The following ATXN2 variants were observed in gnomAD, a reference collection of about 807,000 sequenced individuals.
ATXN2 encodes ataxin-2.
In ATXN2, 37 loss-of-function variants were observed where a neutral mutation model predicts 138.6. The observed-to-expected ratio is 0.27, with a 90% confidence interval of 0.21 to 0.35. The LOEUF (loss-of-function observed/expected upper bound fraction) is 0.35. Among genes scored for constraint, ATXN2 ranks in the 10% least tolerant of loss-of-function variants. The pLI, the probability that ATXN2 is intolerant of heterozygous loss-of-function variation, is 1.00. For synonymous variants in ATXN2, 549 were observed against 543.7 expected (o/e 1.01, Z -0.13); for missense variants, 1,216 against 1,480.3 (o/e 0.82, Z 2.93).
At chr12:111,548,848 A>G (rs572348353) in intron 5 of ATXN2, among the ~76,000 whole-genome samples, 75 of 152,288 alleles carry the variant, frequency 4.9e-4, no homozygotes, top group African/African-American at 1.7e-3. Flanking sequence ...CCTCTCCCCA[A>G]GTAGCTGGGA....
At chr12:111,518,570 C>T in intron 8 of ATXN2, 143 bp from the exon 9 acceptor site, 2 of 791,536 alleles carry the variant, frequency 2.5e-6, no homozygotes, top group South Asian at 2.3e-5. Context: ...CCCAGATGCC[C>T]CTGTTCTTCC....
rs574140178 is a variant in ATXN2 at position 111,508,495 on chromosome 12, G to A, written c.1935+1054C>T. 9.7e-4 allele frequency among the ~76,000 whole-genome samples: 131 copies of A among 134,722 alleles called. 2 individuals carry two copies. The South Asian group carries it at 0.018, about 19-fold the overall frequency. 88.4% of individuals were successfully genotyped at this position (134,722 alleles called of 152,430 possible). A position where few individuals can be genotyped will look rare whatever the true frequency, so the allele number is the denominator to read the frequency against. The stretch of plus-strand genomic sequence containing the variant: ...GCAGTCTTGCTCTGTCGCCCAGGAT[G>A]GAGTGGAGTGGTGTGATCTCGGCTC... On this transcript the variant is annotated intron_variant, in intron 14 of 24. Transcript: ENST00000673436.
At position 111,516,945 on chromosome 12, in the gene ATXN2, T is replaced by C. The variant is rs988303655; in HGVS notation, c.1166-582A>G. ...AAGTAGAAATAAAACATTACTCTTC[T>C]AGAGTTTGTGACTCCTGTGAGTATC... On this transcript the variant is annotated intron_variant, in intron 9 of 24. Coordinates refer to ENST00000673436, the MANE Select transcript of ATXN2 (RefSeq NM_001372574.1). This position sits in a 1 kb window ranked among gnomAD's most constrained non-coding sequence, Gnocchi z 5.0. 7.2e-5 allele frequency among the ~76,000 whole-genome samples: 11 copies of C among 152,192 alleles called. No individual in the cohort carries two copies. Among genetic ancestry groups the C allele is most frequent in the African/African-American group, 2.7e-4 (11 of 41,458 alleles).
chr12:111,599,481 C>T, upstream of ATXN2: 1 of 1,214,960 alleles, frequency 8.2e-7, no homozygotes, highest in African/African-American at 1.6e-5. Context: ...GTGGCCACCG[C>T]GGGACTCCGA....
Position 111,516,221 on chromosome 12 carries a change from C to T in ATXN2, c.1308G>A (p.Pro436=), listed in dbSNP as rs1326410629. 1 of 1,574,560 alleles carries T rather than the reference C, an allele frequency of 6.4e-7. No individual in the cohort carries two copies. The change falls in exon 10 of 25, where the codon CCG becomes CCA. Residue 436 remains proline, a synonymous_variant. Coordinates refer to ENST00000673436, the MANE Select transcript of ATXN2 (RefSeq NM_001372574.1). The surrounding 1 kb of genome is among the most constrained non-coding windows in gnomAD (Gnocchi z 5.0). The part of the protein sequence containing the change: ...SRPPSRPSRP[P]SHPSAHGSPA... ...GAGAACCATGAGCAGAGGGGTGAGA[C>T]GGGGGTCTGGATGGCCGCGAGGGGG...
intron 5 of ATXN2, among the ~76,000 whole-genome samples, chr12:111,545,420 AC>A (rs1301318463): frequency 6.6e-6 from 1 of 150,792 alleles, no homozygotes; most frequent in Non-Finnish European, 1.5e-5. Flanking sequence ...ACATGGTGAA[AC>A]CCCATCTCTA....
At chr12:111,588,624 A>G (rs1404084601) in intron 1 of ATXN2, among the ~76,000 whole-genome samples, 1 of 151,660 alleles carries the variant, frequency 6.6e-6, no homozygotes, top group Non-Finnish European at 1.5e-5. Flanking sequence ...TCCGTCTCGG[A>G]AAAAAAAGAA....
intron 5 of ATXN2, among the ~76,000 whole-genome samples, chr12:111,551,358 G>A (rs569255577): frequency 5.8e-4 from 88 of 151,284 alleles, no homozygotes; most frequent in Non-Finnish European, 9.4e-4. Flanking sequence ...GCCTTGCAAC[G>A]TGTTACTGAA....
chr12:111,545,163 AAAAAC>A (rs1220046970), intron 5 of ATXN2, among the ~76,000 whole-genome samples: 1 of 152,184 alleles, frequency 6.6e-6, no homozygotes, highest in Non-Finnish European at 1.5e-5. Flanking sequence ...TCTCAAAAAC[AAAAAC>A]AAAACAAAAC....
chr12:111,527,233 G>A (rs971688206), intron 5 of ATXN2, among the ~76,000 whole-genome samples: 3 of 152,126 alleles, frequency 2.0e-5, no homozygotes, highest in Admixed American at 6.6e-5. Context: ...CACCTACTAC[G>A]AACTAAGGAG....
chr12:111,560,598 G>A (rs1882629130), intron 1 of ATXN2, among the ~76,000 whole-genome samples: 1 of 152,152 alleles, frequency 6.6e-6, no homozygotes, highest in Non-Finnish European at 1.5e-5. Context: ...CATCAGACGT[G>A]TCACACTGTA....
At chr12:111,550,120 A>G (rs1385115251) in intron 5 of ATXN2, among the ~76,000 whole-genome samples, 2 of 152,076 alleles carry the variant, frequency 1.3e-5, no homozygotes, top group Non-Finnish European at 2.9e-5. Flanking sequence ...AATTACTCCA[A>G]TAGTGGATGT....
intron 1 of ATXN2, among the ~76,000 whole-genome samples, chr12:111,585,596 G>C (rs1293292288): frequency 6.6e-6 from 1 of 151,764 alleles, no homozygotes; most frequent in African/African-American, 2.4e-5. Context: ...CCTGAGGTCA[G>C]GAGTTCGAGA....
At chr12:111,467,283 C>T (rs1202674357) in intron 20 of ATXN2, among the ~76,000 whole-genome samples, 1 of 138,606 alleles carries the variant, frequency 7.2e-6, no homozygotes, top group African/African-American at 2.8e-5. Flanking sequence ...GGTGGGACTA[C>T]AGGCATGTGC....
At position 111,453,913 on chromosome 12, in the gene ATXN2, C is replaced by T. The variant is rs1482036497; in HGVS notation, c.3271-68G>A. 1.3e-6 allele frequency: 2 copies of T among 1,498,534 alleles called. No homozygotes were observed. Among genetic ancestry groups the T allele is most frequent in the East Asian group, 4.7e-5 (2 of 42,940 alleles). The allele number at this position is 1,498,534 out of a possible 1,614,324, so 92.8% of individuals were successfully genotyped here. ...GCTTCAACAACATGTCAACTGTGTT[C>T]CTTTCACTGGGCTGGGACTCTCAGG... On this transcript the variant is annotated intron_variant, in intron 23 of 24. Coordinates refer to ENST00000673436, the MANE Select transcript of ATXN2 (RefSeq NM_001372574.1). The surrounding 1 kb of genome is among the most constrained non-coding windows in gnomAD (Gnocchi z 5.4).
At chr12:111,527,551 TG>T (rs1880569134) in intron 5 of ATXN2, among the ~76,000 whole-genome samples, 1 of 152,138 alleles carries the variant, frequency 6.6e-6, no homozygotes, top group Non-Finnish European at 1.5e-5. Flanking sequence ...TAGGTATGAG[TG>T]TGTGTACCTG....
At chr12:111,538,517 CTTTTTGTATTT>C (rs1382241051) in intron 5 of ATXN2, among the ~76,000 whole-genome samples, 1 of 133,274 alleles carries the variant, frequency 7.5e-6, no homozygotes, top group Non-Finnish European at 1.8e-5. Flanking sequence ...TGTCTGGCTA[CTTTTTGTATTT>C]TTTTTGTAGA....
intron 18 of ATXN2, among the ~76,000 whole-genome samples, chr12:111,482,199 T>G (rs1374914222): frequency 2.1e-5 from 3 of 145,654 alleles, no homozygotes; most frequent in Non-Finnish European, 4.6e-5. Flanking sequence ...TATTTTTTTT[T>G]TTTTTTTTTT....
rs142420643 is a variant in ATXN2, at chr12:111,518,420, T to C, written c.994A>G (p.Lys332Glu). The C allele has an allele frequency of 1.3e-6, 2 of 1,596,720 alleles. No individual in the cohort carries two copies. The highest frequency in any genetic ancestry group is 1.7e-6 in the Non-Finnish European group (2 of 1,170,332). The part of the protein sequence containing the change: ...EGHSINTREN[K>E]YIPPGQRNRE... ...TTTCTTTGTCCAGGAGGAATATATT[T>C]ATTTTCCCTGAAAATGAGAGATCCT... is the stretch of plus-strand genomic sequence containing the variant. Residue 332 changes from lysine (K) to glutamate (E), a missense_variant, in exon 9 of 25, where the codon AAA becomes GAA. Lys to Glu is a moderately conservative substitution (Grantham distance 56). Transcript: ENST00000673436.
Sources: gnomAD v4.1 joint callset for allele counts (sites outside exome capture counted in the v4.1 genomes callset) on GRCh38, gnomAD v4.1.1 for gene constraint, Gnocchi (gnomAD v3.1) non-coding constraint, MANE v1.5 for transcripts, NCBI Gene and HGNC (gene_info 2026-07-23, HGNC 2026-07-21) for gene names.